Variants in VIT observed in about 807,000 individuals in gnomAD.
VIT encodes vitrin.
In VIT, 99 loss-of-function variants were observed where a neutral mutation model predicts 78.0. The observed-to-expected ratio is 1.27, with a 90% CI of 1.08 to 1.50. VIT has a LOEUF of 1.50. Among genes scored for constraint, VIT ranks in the 40% most tolerant of loss-of-function variants. The pLI, the probability that VIT is intolerant of heterozygous loss-of-function variation, is 0.00. For missense variants in VIT, 1,126 were observed against 875.3 expected, an observed-to-expected ratio of 1.29 and a Z score of -3.61; for synonymous variants, 374 against 334.3, an observed-to-expected ratio of 1.12 and a Z score of -1.29.
intron 1 of VIT, among the ~76,000 whole-genome samples, chr2:36,700,138 C>A (rs1664960658): frequency 6.6e-6 from 1 of 152,100 alleles, no homozygotes. Context: ...CAAATAGATT[C>A]ATGGAATTAT....
At chr2:36,716,554 T>A (rs906195155) in intron 2 of VIT, 132 bp downstream of exon 2, 1 of 732,132 alleles carries the variant, frequency 1.4e-6, no homozygotes, top group East Asian at 2.7e-5. Flanking sequence ...TAAGAAACAT[T>A]TTGAAGAGAT....
intron 7 of VIT, among the ~76,000 whole-genome samples, chr2:36,769,663 T>C (rs1669632864): frequency 6.6e-6 from 1 of 152,198 alleles, no homozygotes; most frequent in Admixed American, 6.5e-5. Flanking sequence ...GCTTATGTCT[T>C]CTTAAAATAA....
chr2:36,726,816 CTCAAAAAAAAAAA>C (rs1657960814), intron 2 of VIT, among the ~76,000 whole-genome samples: 2 of 85,744 alleles, frequency 2.3e-5, no homozygotes, highest in Admixed American at 2.6e-4. Context: ...GGGACTCTGT[CTCAAAAAAAAAAA>C]AAAAAAAAAA....
chr2:36,770,154 G>A (rs1029046087), intron 7 of VIT, among the ~76,000 whole-genome samples: 10 of 152,172 alleles, frequency 6.6e-5, no homozygotes, highest in Non-Finnish European at 7.3e-5. Context: ...TTCAACAAAC[G>A]TTTTATGGAA....
chr2:36,716,258 A>C (rs556120019), intron 1 of VIT, 95 bp from the exon 2 acceptor site: 24 of 956,400 alleles, frequency 2.5e-5, no homozygotes, highest in Non-Finnish European at 3.4e-5. Flanking sequence ...CCAGAGGGCA[A>C]TGCAAAATGA....
intron 1 of VIT, among the ~76,000 whole-genome samples, chr2:36,706,426 C>A (rs1665423727): frequency 1.3e-5 from 2 of 152,186 alleles, no homozygotes; most frequent in Admixed American, 1.3e-4. Flanking sequence ...GCACAGGAGA[C>A]AGAGTCCAGC....
intron 1 of VIT, among the ~76,000 whole-genome samples, chr2:36,704,895 T>C (rs1232986854): frequency 6.6e-6 from 1 of 152,088 alleles, no homozygotes; most frequent in Non-Finnish European, 1.5e-5. Flanking sequence ...CCTGAGAATG[T>C]TTTGCTGTGC....
At position 36,814,516 on chromosome 2, in the gene VIT, A is replaced by C. The variant is rs559143330; in HGVS notation, c.*155A>C. On this transcript the variant is annotated 3_prime_UTR_variant, in exon 16 of 16. Coordinates refer to ENST00000379242, the MANE Select transcript of VIT (RefSeq NM_053276.4). ...TTATTCTTTGCCATCATGCTTTTTC[A>C]TATTCCAAAACTTGGAGTTACAAAG... The C allele has an allele frequency of 3.0e-6, 3 of 985,338 alleles. No individual in the cohort carries two copies. Among genetic ancestry groups the C allele is most frequent in the African/African-American group, 1.6e-5 (1 of 61,128 alleles). 61.0% of individuals were successfully genotyped at this position (985,338 alleles called of 1,614,324 possible).
chr2:36,760,594 C>A (rs918550250), intron 6 of VIT, among the ~76,000 whole-genome samples: 2 of 152,152 alleles, frequency 1.3e-5, no homozygotes, highest in African/African-American at 4.8e-5. Flanking sequence ...GGTGACAGGT[C>A]TCCTTAAGTG....
At chr2:36,710,119 T>C (rs1294888267) in intron 1 of VIT, among the ~76,000 whole-genome samples, 1 of 152,244 alleles carries the variant, frequency 6.6e-6, no homozygotes. Flanking sequence ...ATCTGGTTTA[T>C]GTTAATTGAA....
chr2:36,779,538 T>C (rs1162310068), intron 9 of VIT, among the ~76,000 whole-genome samples: 2 of 152,182 alleles, frequency 1.3e-5, no homozygotes, highest in Non-Finnish European at 2.9e-5. Flanking sequence ...ATGGGTGCCA[T>C]GGTGGTTTTC....
At chr2:36,712,814 G>A (rs1294347027) in intron 1 of VIT, among the ~76,000 whole-genome samples, 2 of 152,228 alleles carry the variant, frequency 1.3e-5, no homozygotes, top group Non-Finnish European at 2.9e-5. Flanking sequence ...CAGCCTGGGC[G>A]ACAGAGCGAG....
At position 36,814,509 on chromosome 2, in the gene VIT, CT is replaced by C. The variant is rs1213691909; in HGVS notation, c.*153del. The C allele has an allele frequency of 9.7e-6, 10 of 1,031,810 alleles. No individual in the cohort carries two copies. The highest frequency in any genetic ancestry group is 1.3e-5 in the Non-Finnish European group (10 of 740,846). The allele number at this position is 1,031,810 out of a possible 1,614,324, so 63.9% of individuals were successfully genotyped here. A position where few individuals can be genotyped will look rare whatever the true frequency, so the allele number is the denominator to read the frequency against. Reference sequence around the variant, plus strand: ...CTTGTTATTATTCTTTGCCATCATGCTTTTTCATATTCCAAAACTTGGAGTT... The same window carrying C: ...CTTGTTATTATTCTTTGCCATCATGCTTTTCATATTCCAAAACTTGGAGTT... On this transcript the variant is annotated 3_prime_UTR_variant, in exon 16 of 16. Transcript: ENST00000379242.
chr2:36,808,747 C>G lies in VIT; in HGVS notation c.1665C>G (p.Thr555=). ...TDTRIGAVQY[T]YEQRLEFGFD... ...CGCGCATCGGGGCCGTGCAGTACAC[C>G]TACGAACAGCGGCTGGAGTTTGGGT... is the stretch of plus-strand genomic sequence containing the variant. The change falls in exon 15 of 16, where the codon ACC becomes ACG. Residue 555 remains threonine, a synonymous_variant. Coordinates refer to ENST00000379242, the MANE Select transcript of VIT (RefSeq NM_053276.4). The G allele has an allele frequency of 6.2e-7, 1 of 1,614,100 alleles. No homozygotes were observed. Among genetic ancestry groups the G allele is most frequent in the Non-Finnish European group, 8.5e-7 (1 of 1,179,944 alleles).
At chr2:36,727,909 A>T (rs372130963) in intron 2 of VIT, among the ~76,000 whole-genome samples, 32 of 152,216 alleles carry the variant, frequency 2.1e-4, no homozygotes, top group African/African-American at 6.8e-4. Context: ...GATAACAAGT[A>T]ACAACTATGT....
intron 15 of VIT, 39 bp downstream of exon 15, chr2:36,809,024 C>G (rs752817879): frequency 6.6e-6 from 10 of 1,526,060 alleles, no homozygotes; most frequent in Middle Eastern, 1.8e-4. Context: ...GCTGAGGCTG[C>G]TTTCTGGGGC....
chr2:36,727,938 C>CT (rs1241488548), intron 2 of VIT, among the ~76,000 whole-genome samples: 1 of 151,940 alleles, frequency 6.6e-6, no homozygotes, highest in Non-Finnish European at 1.5e-5. Flanking sequence ...TGTGTGTTTT[C>CT]TTTTTTTTGA....
Position 36,752,483 on chromosome 2 carries a change from C to T in VIT, c.276-2438C>T, listed in dbSNP as rs931911228. On this transcript the variant is annotated intron_variant, in intron 4 of 15. Transcript: ENST00000379242. ...AGGCCATGCTCAGCACCATGCAGGGCACCTGAGGAATGCAAGGAAGTGGAA... is the reference window on the plus strand; with the variant it reads ...AGGCCATGCTCAGCACCATGCAGGGTACCTGAGGAATGCAAGGAAGTGGAA... Among the ~76,000 whole-genome samples the T allele has an allele frequency of 2.6e-5, 4 of 152,340 alleles. No homozygotes were observed. The East Asian group carries it at 5.8e-4, about 22-fold the overall frequency.
chr2:36,710,200 A>T (rs1457497334), intron 1 of VIT, among the ~76,000 whole-genome samples: 1 of 152,192 alleles, frequency 6.6e-6, no homozygotes, highest in Non-Finnish European at 1.5e-5. Flanking sequence ...TTTCAATTTC[A>T]AGAGTTTTTT....
Sources: allele counts gnomAD v4.1 joint callset (sites outside exome capture counted in the v4.1 genomes callset), GRCh38; gene constraint gnomAD v4.1.1; transcripts MANE v1.5; gene names NCBI Gene and HGNC (gene_info 2026-07-23, HGNC 2026-07-21).